CDK14: variants seen among roughly 807,000 people sequenced by gnomAD.
CDK14 encodes cyclin dependent kinase 14.
CDK14 carries 34 observed loss-of-function variants against 60.7 expected under a neutral mutation model. The observed-to-expected ratio is 0.56, with a 90% confidence interval of 0.43 to 0.75. The LOEUF (loss-of-function observed/expected upper bound fraction) is 0.75. Among genes scored for constraint, CDK14 ranks in the 30% least tolerant of loss-of-function variants. The probability of loss-of-function intolerance (pLI) is 0.00; values close to 1 mark genes in which losing one functional copy is unlikely to be tolerated. For missense variants in CDK14, 482 were observed against 564.1 expected (o/e 0.85, Z 1.47); for synonymous variants, 197 against 203.7 (o/e 0.97, Z 0.28).
chr7:91,122,009 A>G (rs945683531), intron 14 of CDK14, among the ~76,000 whole-genome samples: 1 of 152,202 alleles, frequency 6.6e-6, no homozygotes, highest in Non-Finnish European at 1.5e-5. Flanking sequence ...TCCTTTAGCT[A>G]AATATAAGGG....
chr7:91,113,167 G>C (rs750345156), intron 13 of CDK14, among the ~76,000 whole-genome samples: 8 of 152,336 alleles, frequency 5.3e-5, no homozygotes, highest in Non-Finnish European at 8.8e-5. Context: ...GATTCTCAGA[G>C]ACCATCTTGG....
At chr7:90,836,223 G>T (rs1401146196) in intron 5 of CDK14, among the ~76,000 whole-genome samples, 3 of 151,928 alleles carry the variant, frequency 2.0e-5, no homozygotes, top group Admixed American at 2.0e-4. Context: ...TATAAACTTT[G>T]TAATTAGAAA....
chr7:90,901,674 G>GTATA (rs10646692), intron 7 of CDK14, among the ~76,000 whole-genome samples: 25,842 of 148,050 alleles, frequency 0.17, 2,510 homozygotes, highest in Middle Eastern at 0.3. Flanking sequence ...AGCTTTATAT[G>GTATA]TATATATATA....
At chr7:91,004,735 G>A in intron 10 of CDK14, among the ~76,000 whole-genome samples, 1 of 152,156 alleles carries the variant, frequency 6.6e-6, no homozygotes, top group Non-Finnish European at 1.5e-5. Flanking sequence ...ATAGCACTGA[G>A]GCCCAATTTG....
chr7:90,961,483 G>T (rs1794602405), intron 9 of CDK14, among the ~76,000 whole-genome samples: 1 of 152,174 alleles, frequency 6.6e-6, no homozygotes, highest in Non-Finnish European at 1.5e-5. Flanking sequence ...TTGCTAAAAT[G>T]AATGAGTTCA....
Position 91,198,361 on chromosome 7 carries a change from C to T in CDK14, c.*29-8804C>T, listed in dbSNP as rs569837408. Among the ~76,000 whole-genome samples, 10 of 152,288 alleles carry T rather than the reference C, an allele frequency of 6.6e-5. No individual in the cohort carries two copies. The South Asian group carries it at 2.1e-3, about 32-fold the overall frequency. On this transcript the variant is annotated intron_variant, in intron 14 of 14. Coordinates refer to ENST00000380050, the MANE Select transcript of CDK14 (RefSeq NM_001287135.2). ...AAAATTAAAATGCTAGCAGAGTTTA[C>T]AGGTGAAATAAACTTGATGTAAGGG...
chr7:90,841,616 G>T (rs932463025), intron 5 of CDK14, among the ~76,000 whole-genome samples: 1 of 147,602 alleles, frequency 6.8e-6, no homozygotes, highest in African/African-American at 2.5e-5. Context: ...ACTTCCTTAT[G>T]AAGTTTCTGA....
At chr7:91,065,678 G>A (rs1470995443) in intron 11 of CDK14, among the ~76,000 whole-genome samples, 1 of 152,206 alleles carries the variant, frequency 6.6e-6, no homozygotes, top group Non-Finnish European at 1.5e-5. Flanking sequence ...ACTTGTGAGT[G>A]TAGCTTTCTT....
intron 2 of CDK14, among the ~76,000 whole-genome samples, chr7:90,676,433 C>T (rs941975987): frequency 1.3e-5 from 2 of 151,820 alleles, no homozygotes; most frequent in South Asian, 2.1e-4. Context: ...GAGGAAGTTG[C>T]TGGGGAGAGG....
intron 4 of CDK14, among the ~76,000 whole-genome samples, chr7:90,768,632 G>C (rs534734423): frequency 6.6e-6 from 1 of 152,170 alleles, no homozygotes; most frequent in South Asian, 2.1e-4. Context: ...GATATAATTT[G>C]TATTTTCTTT....
At chr7:91,179,949 T>G (rs1053099213) in intron 14 of CDK14, among the ~76,000 whole-genome samples, 3 of 152,232 alleles carry the variant, frequency 2.0e-5, no homozygotes, top group African/African-American at 7.2e-5. Flanking sequence ...ATTAGGAATT[T>G]TTAAAAAATT....
At chr7:90,690,019 T>G (rs1801522304) in intron 2 of CDK14, among the ~76,000 whole-genome samples, 1 of 152,164 alleles carries the variant, frequency 6.6e-6, no homozygotes, top group African/African-American at 2.4e-5. Context: ...ATATTGATGC[T>G]CAAACTTACA....
intron 4 of CDK14, among the ~76,000 whole-genome samples, chr7:90,781,804 GTT>G (rs889189989): frequency 1.3e-5 from 2 of 152,052 alleles, no homozygotes; most frequent in African/African-American, 4.8e-5. Context: ...GTACCATGCT[GTT>G]TTGGTTACTG....
intron 14 of CDK14, among the ~76,000 whole-genome samples, chr7:91,195,546 T>C (rs1482150025): frequency 6.6e-6 from 1 of 152,230 alleles, no homozygotes; most frequent in Non-Finnish European, 1.5e-5. Flanking sequence ...GCTTAGTTTC[T>C]ATGTCATCAT....
At chr7:90,882,340 A>T (rs745624242) in intron 6 of CDK14, among the ~76,000 whole-genome samples, 8 of 152,074 alleles carry the variant, frequency 5.3e-5, no homozygotes, top group Non-Finnish European at 1.2e-4. Context: ...ATTAAAAAAG[A>T]CAAAGAAGAG....
chr7:90,843,974 C>A (rs1790382049), intron 5 of CDK14, among the ~76,000 whole-genome samples: 1 of 151,974 alleles, frequency 6.6e-6, no homozygotes, highest in Non-Finnish European at 1.5e-5. Flanking sequence ...AGCATTTTCA[C>A]CCTATTTTCA....
chr7:90,838,809 C>A (rs1042862223), intron 5 of CDK14, among the ~76,000 whole-genome samples: 2 of 152,150 alleles, frequency 1.3e-5, no homozygotes, highest in African/African-American at 4.8e-5. Context: ...CAAGACAATG[C>A]GTGCCCAGCG....
At chr7:91,122,872 G>C (rs1799823531) in intron 14 of CDK14, among the ~76,000 whole-genome samples, 1 of 152,170 alleles carries the variant, frequency 6.6e-6, no homozygotes. Context: ...CTGACTGACG[G>C]TAGGCTGCCT....
intron 2 of CDK14, among the ~76,000 whole-genome samples, chr7:90,655,824 C>CT (rs1434919918): frequency 6.6e-6 from 1 of 152,152 alleles, no homozygotes; most frequent in East Asian, 1.9e-4. Flanking sequence ...ATTTGCCAAC[C>CT]TTTCATCAGA....
Sources: allele counts gnomAD v4.1 joint callset (sites outside exome capture counted in the v4.1 genomes callset), GRCh38; gene constraint gnomAD v4.1.1; transcripts MANE v1.5; gene names NCBI Gene and HGNC (gene_info 2026-07-23, HGNC 2026-07-21).